Variants in CNTNAP2 observed in about 807,000 individuals in gnomAD.
The protein encoded by CNTNAP2 is contactin associated protein 2.
A neutral mutation model predicts 155.2 loss-of-function variants in CNTNAP2; 98 were observed. That is an observed-to-expected ratio of 0.63 (90% CI 0.54 to 0.75). The LOEUF (loss-of-function observed/expected upper bound fraction) is 0.75. Ranked by LOEUF, CNTNAP2 falls within the 30% of genes least tolerant of loss-of-function variation. The pLI is 0.00. For missense variants in CNTNAP2, 1,727 were observed against 1,688.1 expected, an observed-to-expected ratio of 1.02 and a Z score of -0.40; for synonymous variants, 651 against 631.2, an observed-to-expected ratio of 1.03 and a Z score of -0.47.
intron 3 of CNTNAP2, among the ~76,000 whole-genome samples, chr7:146,999,685 C>A (rs1286412079): frequency 6.6e-6 from 1 of 151,998 alleles, no homozygotes; most frequent in Non-Finnish European, 1.5e-5. Context: ...TTTCCCCCAG[C>A]ACTTTGAATA....
chr7:147,782,826 C>G (rs1269785643), intron 13 of CNTNAP2, among the ~76,000 whole-genome samples: 1 of 152,194 alleles, frequency 6.6e-6, no homozygotes, highest in African/African-American at 2.4e-5. Flanking sequence ...TATCTACAAT[C>G]AGGTTGTATA....
chr7:147,006,902 A>T (rs1798536180), intron 3 of CNTNAP2, among the ~76,000 whole-genome samples: 1 of 152,052 alleles, frequency 6.6e-6, no homozygotes, highest in Non-Finnish European at 1.5e-5. Flanking sequence ...TTAAAGGAAA[A>T]AGTACATGCT....
At chr7:148,356,905 A>G (rs1798526361) in intron 21 of CNTNAP2, among the ~76,000 whole-genome samples, 1 of 151,186 alleles carries the variant, frequency 6.6e-6, no homozygotes, top group Non-Finnish European at 1.5e-5. Context: ...AAAAACAAAA[A>G]AACAAAAAAA....
At chr7:146,578,153 A>G (rs1370166631) in intron 1 of CNTNAP2, among the ~76,000 whole-genome samples, 1 of 152,142 alleles carries the variant, frequency 6.6e-6, no homozygotes, top group East Asian at 1.9e-4. Flanking sequence ...TGCCCATTAA[A>G]TAATATTTCT....
intron 1 of CNTNAP2, among the ~76,000 whole-genome samples, chr7:146,550,575 C>T (rs992266000): frequency 7.3e-5 from 11 of 151,460 alleles, no homozygotes; most frequent in Non-Finnish European, 1.6e-4. Context: ...TTTCCCTTTC[C>T]TTTTTCCAAA....
chr7:146,902,981 C>A (rs1030511250), intron 3 of CNTNAP2, among the ~76,000 whole-genome samples: 3 of 152,200 alleles, frequency 2.0e-5, no homozygotes, highest in South Asian at 2.1e-4. Flanking sequence ...GTAGAGCATG[C>A]AGACTGCCTC....
chr7:147,959,153 A>G (rs1467713187), intron 14 of CNTNAP2, among the ~76,000 whole-genome samples: 2 of 152,156 alleles, frequency 1.3e-5, no homozygotes, highest in African/African-American at 4.8e-5. Flanking sequence ...TGAATTAGCA[A>G]TCTTAGGAAC....
chr7:147,367,959 C>A (rs1290912198), intron 9 of CNTNAP2, among the ~76,000 whole-genome samples: 1 of 151,586 alleles, frequency 6.6e-6, no homozygotes, highest in Non-Finnish European at 1.5e-5. Flanking sequence ...TAGCCACATA[C>A]AAGGATGAGG....
intron 1 of CNTNAP2, among the ~76,000 whole-genome samples, chr7:146,679,261 G>GTT (rs1243909743): frequency 6.7e-6 from 1 of 150,324 alleles, no homozygotes; most frequent in Non-Finnish European, 1.5e-5. Context: ...CAGAGGCAGT[G>GTT]TTTGGTTTTC....
intron 11 of CNTNAP2, among the ~76,000 whole-genome samples, chr7:147,534,203 T>G (rs113139484): frequency 1.2e-4 from 18 of 152,252 alleles, no homozygotes; most frequent in African/African-American, 4.1e-4. Flanking sequence ...TGCTATGGTA[T>G]CTAATGGGAG....
chr7:146,311,002 G>A (rs1056115051), intron 1 of CNTNAP2, among the ~76,000 whole-genome samples: 8 of 152,064 alleles, frequency 5.3e-5, no homozygotes, highest in African/African-American at 1.9e-4. Flanking sequence ...CTATGTTTTA[G>A]TTCTAAGGAA....
intron 8 of CNTNAP2, among the ~76,000 whole-genome samples, chr7:147,265,654 ACAGT>A (rs1007180177): frequency 1.4e-4 from 21 of 152,290 alleles, no homozygotes; most frequent in African/African-American, 4.8e-4. Flanking sequence ...CCACCAAAGG[ACAGT>A]CAAAGTGCTT....
At chr7:148,373,474 AAAG>A (rs1302181851) in intron 21 of CNTNAP2, among the ~76,000 whole-genome samples, 2 of 152,176 alleles carry the variant, frequency 1.3e-5, no homozygotes, top group African/African-American at 2.4e-5. Flanking sequence ...CAACAACAAA[AAAG>A]AAGTATACTC....
At chr7:148,400,011 A>G (rs1799547789) in intron 22 of CNTNAP2, among the ~76,000 whole-genome samples, 1 of 152,162 alleles carries the variant, frequency 6.6e-6, no homozygotes, top group Non-Finnish European at 1.5e-5. Context: ...CCCACCCGAG[A>G]CCAACTCAGG....
chr7:146,980,498 G>T (rs567167601), intron 3 of CNTNAP2, among the ~76,000 whole-genome samples: 33 of 152,236 alleles, frequency 2.2e-4, no homozygotes, highest in African/African-American at 7.9e-4. Flanking sequence ...GCTATAACAG[G>T]ATACCCAACA....
chr7:146,476,770 T>C (rs1271715367), intron 1 of CNTNAP2, among the ~76,000 whole-genome samples: 1 of 152,134 alleles, frequency 6.6e-6, no homozygotes, highest in African/African-American at 2.4e-5. Flanking sequence ...GAAGAAAAAC[T>C]GAATACATCC....
chr7:147,855,311 G>A (rs1238899302), intron 13 of CNTNAP2, among the ~76,000 whole-genome samples: 1 of 152,056 alleles, frequency 6.6e-6, no homozygotes, highest in Non-Finnish European at 1.5e-5. Flanking sequence ...CATGACTTCT[G>A]AGCCTGAACT....
intron 3 of CNTNAP2, among the ~76,000 whole-genome samples, chr7:146,858,539 C>T (rs1363289308): frequency 6.6e-6 from 1 of 152,094 alleles, no homozygotes; most frequent in Non-Finnish European, 1.5e-5. Flanking sequence ...ACAAATAATG[C>T]AAAAATTAGC....
chr7:147,822,442 G>C (rs908094123), intron 13 of CNTNAP2, among the ~76,000 whole-genome samples: 3 of 152,030 alleles, frequency 2.0e-5, no homozygotes, highest in Non-Finnish European at 4.4e-5. Context: ...TCCAAAAAGA[G>C]TCTATTTTAT....
Sources: allele counts gnomAD v4.1 joint callset (sites outside exome capture counted in the v4.1 genomes callset), GRCh38; gene constraint gnomAD v4.1.1; transcripts MANE v1.5; gene names NCBI Gene and HGNC (gene_info 2026-07-23, HGNC 2026-07-21).